The following CLCNKB variants were observed in gnomAD, a reference collection of about 807,000 sequenced individuals.
The protein encoded by CLCNKB is chloride channel protein ClC-Kb.
CLCNKB carries 74 observed loss-of-function variants against 83.8 expected under a neutral mutation model. That is an observed-to-expected ratio of 0.88 (90% CI 0.73 to 1.07). The LOEUF is 1.07. Among genes scored for constraint, CLCNKB ranks in the 50% least tolerant of loss-of-function variants. The pLI is 0.00. For missense variants in CLCNKB, 798 were observed against 893.6 expected, an observed-to-expected ratio of 0.89 and a Z score of 1.36; for synonymous variants, 358 against 356.6, an observed-to-expected ratio of 1.00 and a Z score of -0.04.
At chr1:16,045,015 G>A (rs7365304) in intron 2 of CLCNKB, among the ~76,000 whole-genome samples, 42,856 of 152,108 alleles carry the variant, frequency 0.28, 6,193 homozygotes, top group Non-Finnish European at 0.3. Context: ...CCTCAGCTAC[G>A]GGGCAGAGCA....
intron 10 of CLCNKB, among the ~76,000 whole-genome samples, chr1:16,050,261 G>A (rs1482619250): frequency 6.6e-6 from 1 of 151,852 alleles, no homozygotes; most frequent in Non-Finnish European, 1.5e-5. Flanking sequence ...AGGTGCATGA[G>A]CCCTGCCCTA....
chr1:16,049,593 G>A (rs1285431812), intron 8 of CLCNKB, 25 bp from the exon 9 acceptor site: 11 of 1,560,948 alleles, frequency 7.0e-6, no homozygotes, highest in African/African-American at 1.4e-5. Flanking sequence ...CGCCATCTTG[G>A]CTCCCCACTG....
chr1:16,047,386 A>C (rs533765391), intron 4 of CLCNKB, among the ~76,000 whole-genome samples: 2 of 152,098 alleles, frequency 1.3e-5, no homozygotes, highest in Non-Finnish European at 2.9e-5. Flanking sequence ...TTGATCCTGC[A>C]CTGAGCAGTG....
Position 16,057,032 on chromosome 1 carries a change from C to G in CLCNKB, c.*116C>G. 1.0e-6 allele frequency: 1 copy of G among 997,988 alleles called. No homozygotes were observed. Among genetic ancestry groups the G allele is most frequent in the South Asian group, 1.4e-5 (1 of 73,732 alleles). The allele number at this position is 997,988 out of a possible 1,614,324, so 61.8% of individuals were successfully genotyped here. ...CCCCTCCCTCCAGCCCAGCTCCATT[C>G]TTTGGCATAACAGGCAACTTTAACC... On this transcript the variant is annotated 3_prime_UTR_variant, in exon 20 of 20. Coordinates refer to ENST00000375679, the MANE Select transcript of CLCNKB (RefSeq NM_000085.5).
intron 10 of CLCNKB, 91 bp downstream of exon 10, chr1:16,050,007 G>A: frequency 1.3e-6 from 1 of 781,960 alleles, no homozygotes; most frequent in Non-Finnish European, 2.0e-6. Flanking sequence ...CCCGCCACCT[G>A]AGCCCCTAAA....
intron 3 of CLCNKB, 104 bp downstream of exon 3, chr1:16,045,790 CTCTGGGTGGGGA>C: frequency 1.2e-6 from 1 of 862,510 alleles, no homozygotes; most frequent in Non-Finnish European, 1.8e-6. Flanking sequence ...GGGGGGGGTG[CTCTGGGTGGGGA>C]TCTGGTCCTG....
intron 2 of CLCNKB, among the ~76,000 whole-genome samples, chr1:16,044,991 A>T: frequency 6.6e-6 from 1 of 152,174 alleles, no homozygotes; most frequent in East Asian, 1.9e-4. Context: ...GTTCACTTTG[A>T]GACCTGACTG....
intron 3 of CLCNKB, 121 bp from the exon 4 acceptor site, chr1:16,046,414 G>C (rs34754108): frequency 1.0e-5 from 14 of 1,370,484 alleles, no homozygotes; most frequent in East Asian, 4.9e-5. Context: ...GCACCTCACT[G>C]TGTGGCCTGG....
chr1:16,049,349 C>A, intron 8 of CLCNKB, 104 bp downstream of exon 8: 2 of 1,554,952 alleles, frequency 1.3e-6, no homozygotes, highest in South Asian at 1.2e-5. Flanking sequence ...TTCCCTCTCT[C>A]TCCCTCTTTT....
chr1:16,050,653 C>T (rs1236897581), intron 11 of CLCNKB, 53 bp downstream of exon 11: 1 of 1,573,482 alleles, frequency 6.4e-7, no homozygotes, highest in Admixed American at 1.7e-5. Context: ...TTTGTTGCCT[C>T]CTTTGCGTGT....
chr1:16,051,561 C>T lies in CLCNKB; in HGVS notation c.1297+14C>T, dbSNP rs1427380735. 1.9e-6 allele frequency: 3 copies of T among 1,613,808 alleles called. No homozygotes were observed. The highest frequency in any genetic ancestry group is 3.3e-5 in the Admixed American group (2 of 60,002). On this transcript the variant is annotated intron_variant, in intron 13 of 19. Transcript: ENST00000375679. ...TCTTTGTCTATGGTGAGTCTGGGGT[C>T]CTGAGGTTCTGAGAGTTTCGGGGTT...
chr1:16,045,789 G>C (rs1393003717), intron 3 of CLCNKB, 103 bp downstream of exon 3: 2 of 589,666 alleles, frequency 3.4e-6, no homozygotes, highest in Non-Finnish European at 5.7e-6. Context: ...TGGGGGGGGT[G>C]CTCTGGGTGG....
Position 16,052,203 on chromosome 1 carries a change from G to A in CLCNKB, c.1414G>A (p.Ala472Thr), listed in dbSNP as rs773752495. The A allele has an allele frequency of 1.9e-6, 3 of 1,612,968 alleles. No individual in the cohort carries two copies. Among genetic ancestry groups the A allele is most frequent in the Non-Finnish European group, 2.5e-6 (3 of 1,179,948 alleles). The change falls in exon 15 of 20, where the codon GCA becomes ACA. Residue 472 changes from alanine to threonine, a missense_variant. Transcript: ENST00000375679. Reference sequence around the variant, plus strand: ...GCCTGACTCTGCCCTTGCAGGGGCTGCAGCCTTCTCAGGGGCTGTGACCCA... The same window carrying A: ...GCCTGACTCTGCCCTTGCAGGGGCTACAGCCTTCTCAGGGGCTGTGACCCA... ...MPGGYALAGA[A>T]AFSGAVTHTI...
In CLCNKB at chr1:16,045,583, G is replaced by A. The variant is rs765392974; in HGVS notation, c.126G>A (p.Lys42=). Residue 42 remains lysine, a synonymous_variant, in exon 3 of 20, where the codon AAG becomes AAA. Coordinates refer to ENST00000375679, the MANE Select transcript of CLCNKB (RefSeq NM_000085.5). ...IRGGLEWLKQ[K]LFRLGEDWYF... ...GTGGCCTGGAGTGGCTGAAGCAGAA[G>A]CTCTTCCGCCTGGGCGAGGACTGGT... 1.2e-6 allele frequency: 2 copies of A among 1,613,912 alleles called. No homozygotes were observed. The highest frequency in any genetic ancestry group is 8.5e-7 in the Non-Finnish European group (1 of 1,179,828).
At position 16,049,650 on chromosome 1, in the gene CLCNKB, C is replaced by G. The variant is rs577234417; in HGVS notation, c.814C>G (p.Arg272Gly). Residue 272 changes from arginine to glycine, a missense_variant, in exon 9 of 20, where the codon CGG becomes GGG. Transcript: ENST00000375679. Reference protein sequence around the residue: ...TITSLYKTSFRVDVPFDLPEI... With the variant: ...TITSLYKTSFGVDVPFDLPEI... ...CACCTCCCTCTACAAGACCAGTTTCCGGGTGGACGTTCCCTTCGACCTGCC... is the reference window on the plus strand; with the variant it reads ...CACCTCCCTCTACAAGACCAGTTTCGGGGTGGACGTTCCCTTCGACCTGCC... 1.9e-6 allele frequency: 3 copies of G among 1,609,436 alleles called. No homozygotes were observed. Among genetic ancestry groups the G allele is most frequent in the Non-Finnish European group, 2.5e-6 (3 of 1,177,842 alleles).
In CLCNKB at chr1:16,046,906, T is replaced by C. The variant is rs1188445266; in HGVS notation, c.358+243T>C. On this transcript the variant is annotated intron_variant, in intron 4 of 19. Coordinates refer to ENST00000375679, the MANE Select transcript of CLCNKB (RefSeq NM_000085.5). ...TGGTGGGAGGATCTTCTGCGAAGCC[T>C]GTTCCAGTGGCCAGTGCCAGGGAGG... is the stretch of plus-strand genomic sequence containing the variant. 2.0e-5 allele frequency among the ~76,000 whole-genome samples: 3 copies of C among 152,260 alleles called. No homozygotes were observed. The East Asian group carries it at 5.8e-4, about 29-fold the overall frequency.
At chr1:16,050,650 C>T in intron 11 of CLCNKB, 50 bp downstream of exon 11, 4 of 1,580,596 alleles carry the variant, frequency 2.5e-6, no homozygotes, top group Non-Finnish European at 3.5e-6. Context: ...CTATTTGTTG[C>T]CTCCTTTGCG....
chr1:16,051,763 G>A lies in CLCNKB; in HGVS notation c.1351G>A (p.Gly451Ser). The A allele has an allele frequency of 2.5e-6, 4 of 1,613,948 alleles. No individual in the cohort carries two copies. The highest frequency in any genetic ancestry group is 3.4e-6 in the Non-Finnish European group (4 of 1,179,976). ...GETLSFIFPE[G>S]IVAGGITNPI... The stretch of plus-strand genomic sequence containing the variant: ...GACTCTCTCTTTTATCTTCCCTGAG[G>A]GCATCGTGGCTGGAGGGATCACCAA... The change falls in exon 14 of 20, where the codon GGC becomes AGC. Residue 451 changes from glycine to serine, a missense_variant. Coordinates refer to ENST00000375679, the MANE Select transcript of CLCNKB (RefSeq NM_000085.5).
chr1:16,048,460 G>A, intron 6 of CLCNKB, 40 bp downstream of exon 6: 1 of 1,613,446 alleles, frequency 6.2e-7, no homozygotes, highest in Non-Finnish European at 8.5e-7. Flanking sequence ...ATGGGAGTGG[G>A]GAGGGAGGGG....
Sources: gnomAD v4.1 joint callset for allele counts (sites outside exome capture counted in the v4.1 genomes callset) on GRCh38, gnomAD v4.1.1 for gene constraint, MANE v1.5 for transcripts, NCBI Gene and HGNC (gene_info 2026-07-23, HGNC 2026-07-21) for gene names.